Variants in RBFOX1 observed in about 807,000 individuals in gnomAD.
The protein encoded by RBFOX1 is RNA binding protein fox-1 homolog 1.
Under a neutral mutation model 57.7 loss-of-function variants are expected in RBFOX1, and 8 were observed. The observed-to-expected ratio is 0.14, with a 90% confidence interval of 0.08 to 0.25. The LOEUF is 0.25. Ranked by LOEUF, RBFOX1 falls within the 10% of genes least tolerant of loss-of-function variation. RBFOX1 has a pLI of 1.00. For missense variants in RBFOX1, 611 were observed against 548.5 expected (o/e 1.11, Z -1.14); for synonymous variants, 326 against 222.4 (o/e 1.47, Z -4.15).
At chr16:5,517,485 A>G (rs1483335558) in intron 2 of RBFOX1, among the ~76,000 whole-genome samples, 1 of 152,174 alleles carries the variant, frequency 6.6e-6, no homozygotes, top group Admixed American at 6.5e-5. Flanking sequence ...CTCTGAATGT[A>G]CTAATTCTAA....
intron 3 of RBFOX1, among the ~76,000 whole-genome samples, chr16:6,763,421 C>G (rs1383389763): frequency 1.3e-5 from 2 of 152,310 alleles, no homozygotes; most frequent in South Asian, 4.1e-4. Flanking sequence ...AACCAGCAAA[C>G]TGTATCTTCA....
At chr16:5,565,271 G>A (rs556461405) in intron 2 of RBFOX1, among the ~76,000 whole-genome samples, 153 of 152,232 alleles carry the variant, frequency 1.0e-3, no homozygotes, top group South Asian at 2.3e-3. Flanking sequence ...GTGTGTGTGC[G>A]TGTGTGCACG....
intron 14 of RBFOX1, among the ~76,000 whole-genome samples, chr16:7,692,876 A>T (rs1432868974): frequency 7.9e-6 from 1 of 125,954 alleles, no homozygotes; most frequent in Non-Finnish European, 1.7e-5. Context: ...CTGAAATGAC[A>T]GCACTTTTTC....
chr16:7,709,481 C>G (rs2083560018), intron 15 of RBFOX1: 4 of 1,460,438 alleles, frequency 2.7e-6, no homozygotes, highest in Non-Finnish European at 3.6e-6. Flanking sequence ...TCCCTTGCTG[C>G]TCATTCACAT....
At chr16:5,909,184 C>A (rs113107664) in intron 4 of RBFOX1, among the ~76,000 whole-genome samples, 1 of 150,584 alleles carries the variant, frequency 6.6e-6, no homozygotes, top group African/African-American at 2.5e-5. Flanking sequence ...GCTCCGCCTC[C>A]CGGGTTCACG....
At chr16:6,197,376 C>G (rs2097186710) in intron 1 of RBFOX1, among the ~76,000 whole-genome samples, 1 of 152,126 alleles carries the variant, frequency 6.6e-6, no homozygotes, top group Non-Finnish European at 1.5e-5. Flanking sequence ...CAATACCCCT[C>G]CACCCCATCC....
intron 1 of RBFOX1, among the ~76,000 whole-genome samples, chr16:6,167,631 C>T (rs1023455027): frequency 6.6e-6 from 1 of 152,184 alleles, no homozygotes; most frequent in African/African-American, 2.4e-5. Flanking sequence ...AGAGCTTGCT[C>T]AAATATTATA....
At chr16:6,225,237 TA>T (rs1227925909) in intron 1 of RBFOX1, among the ~76,000 whole-genome samples, 10 of 151,996 alleles carry the variant, frequency 6.6e-5, no homozygotes, top group Non-Finnish European at 1.3e-4. Context: ...GAGTTATATA[TA>T]TATATATAAA....
rs75575871 is a variant in RBFOX1, at chr16:7,263,289, T to C, written c.27+211191T>C. Among the ~76,000 whole-genome samples, 8 of 152,262 alleles carry C rather than the reference T, an allele frequency of 5.3e-5. No homozygotes were observed. The East Asian group carries it at 1.5e-3, about 29-fold the overall frequency. ...CCAGGAAGCACAGGGGAGTTGAAGA[T>C]GCTTTGAAAGACCTGTTTGGCCCTT... On this transcript the variant is annotated intron_variant, in intron 4 of 15. Transcript: ENST00000550418.
intron 1 of RBFOX1, among the ~76,000 whole-genome samples, chr16:6,138,054 C>T (rs2096681633): frequency 2.6e-5 from 4 of 152,164 alleles, no homozygotes; most frequent in Admixed American, 2.6e-4. Flanking sequence ...TGGCTAGTGG[C>T]CTCACAGGTT....
intron 4 of RBFOX1, among the ~76,000 whole-genome samples, chr16:7,450,287 G>T (rs2098841437): frequency 6.6e-6 from 1 of 151,518 alleles, no homozygotes; most frequent in African/African-American, 2.4e-5. Context: ...CCAGCTACTT[G>T]GGAGGCTGAG....
At chr16:5,280,825 C>CTT (rs912234498) in intron 1 of RBFOX1, among the ~76,000 whole-genome samples, 1 of 116,412 alleles carries the variant, frequency 8.6e-6, no homozygotes. Flanking sequence ...TCCTTTCTTT[C>CTT]TTTTTTTTTT....
intron 3 of RBFOX1, among the ~76,000 whole-genome samples, chr16:5,795,099 A>G (rs1293900989): frequency 6.6e-6 from 1 of 152,210 alleles, no homozygotes; most frequent in Admixed American, 6.5e-5. Flanking sequence ...AGAATGGGAA[A>G]AGAAATACCT....
At chr16:5,719,162 A>G (rs1176355646) in intron 3 of RBFOX1, among the ~76,000 whole-genome samples, 1 of 151,572 alleles carries the variant, frequency 6.6e-6, no homozygotes, top group Non-Finnish European at 1.5e-5. Context: ...TAGCGTATCT[A>G]CGGAGTTGGA....
At chr16:7,362,408 T>C (rs1351299532) in intron 4 of RBFOX1, among the ~76,000 whole-genome samples, 1 of 151,760 alleles carries the variant, frequency 6.6e-6, no homozygotes, top group African/African-American at 2.4e-5. Flanking sequence ...TGTGTGTATA[T>C]GTTTTGTGTG....
intron 4 of RBFOX1, among the ~76,000 whole-genome samples, chr16:7,399,441 C>T (rs1431248103): frequency 6.6e-6 from 1 of 152,060 alleles, no homozygotes; most frequent in Non-Finnish European, 1.5e-5. Flanking sequence ...GAGCAGAACT[C>T]TGTCTCAAAT....
chr16:5,674,876 G>A (rs954029336), intron 3 of RBFOX1, among the ~76,000 whole-genome samples: 2 of 152,098 alleles, frequency 1.3e-5, no homozygotes, highest in Admixed American at 1.3e-4. Context: ...AATATGGTGG[G>A]TGGCTCATGT....
chr16:6,377,906 C>T (rs1404231130), intron 2 of RBFOX1, among the ~76,000 whole-genome samples: 4 of 152,148 alleles, frequency 2.6e-5, no homozygotes. Context: ...AACTCTGCCC[C>T]ACTCCAAGAG....
intron 2 of RBFOX1, among the ~76,000 whole-genome samples, chr16:5,584,795 A>G (rs1004417261): frequency 6.6e-6 from 1 of 152,210 alleles, no homozygotes; most frequent in African/African-American, 2.4e-5. Context: ...GTGAATTGGC[A>G]ACTGTATTAG....
Sources: gnomAD v4.1 joint callset for allele counts (sites outside exome capture counted in the v4.1 genomes callset) on GRCh38, gnomAD v4.1.1 for gene constraint, MANE v1.5 for transcripts, NCBI Gene and HGNC (gene_info 2026-07-23, HGNC 2026-07-21) for gene names.